Variants in PHF24 observed in about 807,000 individuals in gnomAD.
PHF24 encodes the protein PHD finger protein 24, also known as Galpha inhibitory interacting protein.
PHF24 carries 25 observed loss-of-function variants against 42.6 expected under a neutral mutation model. The ratio of observed to expected loss-of-function variants is 0.59; its 90% confidence interval spans 0.43 to 0.82. The LOEUF (loss-of-function observed/expected upper bound fraction) is 0.82. Among genes scored for constraint, PHF24 ranks in the 40% least tolerant of loss-of-function variants. PHF24 has a pLI of 0.00. For missense variants in PHF24, 470 were observed against 538.1 expected (o/e 0.87, Z 1.25); for synonymous variants, 185 against 204.8 (o/e 0.90, Z 0.83).
the PHF24 span, among the ~76,000 whole-genome samples, chr9:34,935,607 A>G: frequency 1.1e-4 from 16 of 150,826 alleles, no homozygotes; most frequent in African/African-American, 3.2e-4. Flanking sequence ...AAAAAAAAAA[A>G]AGAGAGAGAA....
the PHF24 span, among the ~76,000 whole-genome samples, chr9:34,740,354 C>T: frequency 6.6e-6 from 1 of 152,232 alleles, no homozygotes; most frequent in South Asian, 2.1e-4. Context: ...TCAGGCATGG[C>T]GGGTTGCAGG....
chr9:34,844,904 A>G, the PHF24 span, among the ~76,000 whole-genome samples: 5 of 152,130 alleles, frequency 3.3e-5, no homozygotes, highest in Non-Finnish European at 5.9e-5. Flanking sequence ...GATCTTCCCA[A>G]CTGCTGAAAG....
At chr9:34,763,113 G>A in the PHF24 span, among the ~76,000 whole-genome samples, 2 of 152,196 alleles carry the variant, frequency 1.3e-5, no homozygotes, top group African/African-American at 2.4e-5. Flanking sequence ...TTGTAGTATA[G>A]TTTGAAGTCA....
chr9:34,944,882 G>T, the PHF24 span, among the ~76,000 whole-genome samples: 2 of 127,198 alleles, frequency 1.6e-5, no homozygotes, highest in Admixed American at 1.7e-4. Context: ...ATGAGAACTT[G>T]TCTCTTTAAA....
chr9:34,809,923 C>T, the PHF24 span, among the ~76,000 whole-genome samples: 6 of 126,168 alleles, frequency 4.8e-5, no homozygotes, highest in Admixed American at 3.9e-4. This position sits in a 1 kb window ranked among gnomAD's most constrained non-coding sequence, Gnocchi z 4.1. Context: ...AGGCCAGTAC[C>T]TCGGGGCGCG....
the PHF24 span, among the ~76,000 whole-genome samples, chr9:34,847,693 A>G: frequency 6.6e-6 from 1 of 151,976 alleles, no homozygotes; most frequent in East Asian, 1.9e-4. Context: ...TTCAAAGGGA[A>G]TGCTTCCAGT....
At chr9:34,851,432 G>A in the PHF24 span, among the ~76,000 whole-genome samples, 3 of 152,178 alleles carry the variant, frequency 2.0e-5, no homozygotes, top group East Asian at 1.9e-4. Flanking sequence ...CTCCTGGTGC[G>A]CCGTTTTTTA....
exon 4 of PHF24, chr9:34,976,192 G>A (rs200144493): frequency 6.2e-7 from 1 of 1,614,166 alleles, no homozygotes; most frequent in Non-Finnish European, 8.5e-7. Flanking sequence ...GAAATGTATA[G>A]CCTCACGGAG....
chr9:34,897,769 C>G, the PHF24 span, among the ~76,000 whole-genome samples: 1 of 151,906 alleles, frequency 6.6e-6, no homozygotes, highest in African/African-American at 2.4e-5. Context: ...TTTGGTGCAC[C>G]CATCACCCGA....
the PHF24 span, among the ~76,000 whole-genome samples, chr9:34,844,127 G>A: frequency 6.6e-6 from 1 of 151,932 alleles, no homozygotes; most frequent in African/African-American, 2.4e-5. Flanking sequence ...TATTTCTGTG[G>A]TATCAATTGT....
At chr9:34,925,346 G>A in the PHF24 span, among the ~76,000 whole-genome samples, 1 of 152,098 alleles carries the variant, frequency 6.6e-6, no homozygotes, top group Non-Finnish European at 1.5e-5. Flanking sequence ...TGTTTGGGTT[G>A]AATCTACTTG....
chr9:34,782,830 G>A, the PHF24 span, among the ~76,000 whole-genome samples: 1 of 152,150 alleles, frequency 6.6e-6, no homozygotes, highest in Non-Finnish European at 1.5e-5. Flanking sequence ...GGGGTAGGAT[G>A]AGGGATGGAT....
chr9:34,680,710 A>AT, the PHF24 span, among the ~76,000 whole-genome samples: 29,994 of 102,212 alleles, frequency 0.29, 3,370 homozygotes, highest in South Asian at 0.36. Flanking sequence ...AAATAAATAA[A>AT]AAAAAAAATA....
At chr9:34,875,800 C>A in the PHF24 span, among the ~76,000 whole-genome samples, 1 of 151,962 alleles carries the variant, frequency 6.6e-6, no homozygotes. Flanking sequence ...TAGAGCACAT[C>A]TGGTGCTCAT....
the PHF24 span, among the ~76,000 whole-genome samples, chr9:34,790,571 C>T: frequency 6.6e-6 from 1 of 152,198 alleles, no homozygotes; most frequent in African/African-American, 2.4e-5. Flanking sequence ...TTACTTTCTA[C>T]CAGAGGCTGC....
the PHF24 span, among the ~76,000 whole-genome samples, chr9:34,720,724 C>T: frequency 6.6e-6 from 1 of 152,172 alleles, no homozygotes; most frequent in Non-Finnish European, 1.5e-5. Context: ...TGCCCTGTTT[C>T]TCCATCTCCA....
chr9:34,743,335 T>G, the PHF24 span, among the ~76,000 whole-genome samples: 1 of 152,226 alleles, frequency 6.6e-6, no homozygotes, highest in South Asian at 2.1e-4. Flanking sequence ...GGACACAATT[T>G]AATACAGAAT....
the PHF24 span, among the ~76,000 whole-genome samples, chr9:34,924,268 A>G: frequency 6.6e-6 from 1 of 152,168 alleles, no homozygotes; most frequent in African/African-American, 2.4e-5. Flanking sequence ...AAGAATGTGT[A>G]TTCTGCAGCC....
chr9:34,908,079 G>A, the PHF24 span, among the ~76,000 whole-genome samples: 2 of 152,132 alleles, frequency 1.3e-5, no homozygotes, highest in South Asian at 4.1e-4. Flanking sequence ...CCGACCTCGT[G>A]ATCTGCCCGC....
Sources: allele counts gnomAD v4.1 joint callset (sites outside exome capture counted in the v4.1 genomes callset), GRCh38; gene constraint gnomAD v4.1.1; non-coding constraint Gnocchi (gnomAD v3.1); transcripts MANE v1.5; gene names NCBI Gene and HGNC (gene_info 2026-07-23, HGNC 2026-07-21).